Variants in RIOK3 observed in about 807,000 individuals in gnomAD.
RIOK3 encodes serine/threonine-protein kinase RIO3.
RIOK3 carries 40 observed loss-of-function variants against 63.5 expected under a neutral mutation model. The observed-to-expected ratio is 0.63, with a 90% CI of 0.49 to 0.82. The LOEUF (loss-of-function observed/expected upper bound fraction) is 0.82, where lower values mean the gene tolerates loss of function less well. Among genes scored for constraint, RIOK3 ranks in the 40% least tolerant of loss-of-function variants. RIOK3 has a pLI of 0.00. For synonymous variants in RIOK3, 193 were observed against 205.0 expected, an observed-to-expected ratio of 0.94 and a Z score of 0.50; for missense variants, 557 against 637.0, an observed-to-expected ratio of 0.87 and a Z score of 1.35.
chr18:23,479,483 T>C (rs913296668), intron 12 of RIOK3, 59 bp downstream of exon 12: 2 of 955,208 alleles, frequency 2.1e-6, no homozygotes, highest in Non-Finnish European at 3.3e-6. Flanking sequence ...ATAGAGGAGA[T>C]AACTGAAACC....
intron 12 of RIOK3, among the ~76,000 whole-genome samples, chr18:23,479,721 T>C (rs977901417): frequency 2.6e-5 from 4 of 151,874 alleles, no homozygotes; most frequent in Non-Finnish European, 5.9e-5. Context: ...GGATTACAGG[T>C]GTGTGCCACC....
intron 1 of RIOK3, among the ~76,000 whole-genome samples, chr18:23,457,506 T>C (rs1995330): frequency 0.42 from 63,879 of 152,046 alleles, 14,514 homozygotes; most frequent in Middle Eastern, 0.52. Flanking sequence ...GTATGGACTT[T>C]AGTTAATAAT....
chr18:23,466,110 AT>A (rs769204642), intron 5 of RIOK3, 22 bp from the exon 6 acceptor site: 23 of 1,548,924 alleles, frequency 1.5e-5, no homozygotes, highest in Non-Finnish European at 1.9e-5. Context: ...AAATATTTAG[AT>A]GCTAATTCTT....
chr18:23,466,032 T>C (rs1815201825), intron 5 of RIOK3, 101 bp from the exon 6 acceptor site: 1 of 810,398 alleles, frequency 1.2e-6, no homozygotes, highest in African/African-American at 1.8e-5. Flanking sequence ...AGTGTGATCA[T>C]CTATTGAGTA....
rs2145711514 is a variant in RIOK3, at chr18:23,482,578, C to T, written c.*1299C>T. The T allele has an allele frequency of 6.6e-6, 1 of 151,574 alleles. No individual in the cohort carries two copies. Among genetic ancestry groups the T allele is most frequent in the East Asian group, 1.9e-4 (1 of 5,160 alleles). 9.4% of individuals were successfully genotyped at this position (151,574 alleles called of 1,614,324 possible). A position where few individuals can be genotyped will look rare whatever the true frequency, so the allele number is the denominator to read the frequency against. On this transcript the variant is annotated 3_prime_UTR_variant, in exon 13 of 13. Coordinates refer to ENST00000339486, the MANE Select transcript of RIOK3 (RefSeq NM_003831.5). Reference sequence around the variant, plus strand: ...AACTAATTTGAGCTATCTGGCCTTACTCTTAGTAGTTTTTAGTACGTGCTG... The same window carrying T: ...AACTAATTTGAGCTATCTGGCCTTATTCTTAGTAGTTTTTAGTACGTGCTG...
At chr18:23,461,129 G>C (rs1262203673) in intron 1 of RIOK3, among the ~76,000 whole-genome samples, 2 of 152,214 alleles carry the variant, frequency 1.3e-5, no homozygotes, top group Non-Finnish European at 2.9e-5. Context: ...ATTCCTGAAT[G>C]TCAGTACTGT....
Position 23,465,064 on chromosome 18 carries a change from G to A in RIOK3, c.543+436G>A, listed in dbSNP as rs140916892. Among the ~76,000 whole-genome samples, 484 of 152,184 alleles carry A rather than the reference G, an allele frequency of 3.2e-3. 3 individuals carry two copies. Among genetic ancestry groups the A allele is most frequent in the African/African-American group, 0.011 (462 of 41,542 alleles). ...CTACCTGTGTAAAATCAGAAGTAAA[G>A]TGTAACTTTAAAAAATAGCATTCTA... On this transcript the variant is annotated intron_variant, in intron 5 of 12. Coordinates refer to ENST00000339486, the MANE Select transcript of RIOK3 (RefSeq NM_003831.5).
intron 9 of RIOK3, 102 bp downstream of exon 9, chr18:23,475,209 C>T: frequency 1.1e-6 from 1 of 887,726 alleles, no homozygotes; most frequent in South Asian, 1.8e-5. Context: ...TTGGCTCACA[C>T]TTGTAATCTA....
intron 8 of RIOK3, among the ~76,000 whole-genome samples, chr18:23,474,738 C>T (rs2057477905): frequency 6.6e-6 from 1 of 152,162 alleles, no homozygotes. Context: ...TCTGCCAGTG[C>T]GTAATTGTAA....
Position 23,453,369 on chromosome 18 carries a change from T to C in RIOK3, c.-71T>C. 1 of 1,278,754 alleles carries C rather than the reference T, an allele frequency of 7.8e-7. No homozygotes were observed. The allele number at this position is 1,278,754 out of a possible 1,614,324, so 79.2% of individuals were successfully genotyped here. On this transcript the variant is annotated 5_prime_UTR_variant, in exon 1 of 13. Coordinates refer to ENST00000339486, the MANE Select transcript of RIOK3 (RefSeq NM_003831.5). Reference sequence around the variant, plus strand: ...CAGCCAGTCGCCCGTGTCCCGCCTGTCTCCTCGGCGGAGCCTGCTGCCCGT... The same window carrying C: ...CAGCCAGTCGCCCGTGTCCCGCCTGCCTCCTCGGCGGAGCCTGCTGCCCGT...
intron 1 of RIOK3, among the ~76,000 whole-genome samples, chr18:23,458,936 T>C (rs1462590179): frequency 6.6e-6 from 1 of 152,192 alleles, no homozygotes; most frequent in Admixed American, 6.5e-5. Flanking sequence ...TTCTGAAATC[T>C]TTACTTATTT....
intron 1 of RIOK3, among the ~76,000 whole-genome samples, chr18:23,459,949 C>T (rs1188488693): frequency 6.6e-6 from 1 of 152,210 alleles, no homozygotes; most frequent in Admixed American, 6.5e-5. Flanking sequence ...CTGCCTCGGC[C>T]TCTCAAAGTG....
At chr18:23,476,594 T>G in intron 9 of RIOK3, among the ~76,000 whole-genome samples, 1 of 150,124 alleles carries the variant, frequency 6.7e-6, no homozygotes, top group East Asian at 2.0e-4. Context: ...AACAAATGCA[T>G]TAATGTTGAT....
intron 1 of RIOK3, among the ~76,000 whole-genome samples, chr18:23,462,110 A>AT (rs1555755471): frequency 0.093 from 11,759 of 126,914 alleles, 750 homozygotes; most frequent in Non-Finnish European, 0.15. Context: ...AAGAAATAAA[A>AT]TTTAAAAAAA....
intron 1 of RIOK3, among the ~76,000 whole-genome samples, chr18:23,457,802 A>C (rs1202159024): frequency 6.6e-6 from 1 of 152,180 alleles, no homozygotes; most frequent in African/African-American, 2.4e-5. Context: ...GTATGGTTAG[A>C]AAGGGGACCT....
At chr18:23,461,211 G>C (rs1051973480) in intron 1 of RIOK3, among the ~76,000 whole-genome samples, 1 of 152,146 alleles carries the variant, frequency 6.6e-6, no homozygotes, top group Non-Finnish European at 1.5e-5. Context: ...CCAACTAGAG[G>C]GCCTATACTG....
intron 7 of RIOK3, among the ~76,000 whole-genome samples, chr18:23,473,137 G>A (rs2057466649): frequency 6.6e-6 from 1 of 152,174 alleles, no homozygotes; most frequent in Admixed American, 6.5e-5. Flanking sequence ...CTATTTTCAA[G>A]TGCATATGTC....
chr18:23,471,486 T>G (rs1385934967), intron 7 of RIOK3, among the ~76,000 whole-genome samples: 1 of 152,194 alleles, frequency 6.6e-6, no homozygotes, highest in Non-Finnish European at 1.5e-5. Context: ...GAGTCTGCTC[T>G]TTGACTGCCC....
chr18:23,468,153 T>G (rs935018669), intron 7 of RIOK3, among the ~76,000 whole-genome samples: 2 of 152,162 alleles, frequency 1.3e-5, no homozygotes, highest in African/African-American at 2.4e-5. Flanking sequence ...AAGTAACATC[T>G]TGGTATTTTG....
Sources: allele counts gnomAD v4.1 joint callset (sites outside exome capture counted in the v4.1 genomes callset), GRCh38; gene constraint gnomAD v4.1.1; transcripts MANE v1.5; gene names NCBI Gene and HGNC (gene_info 2026-07-23, HGNC 2026-07-21).